Variants in CACNA2D3 observed in about 807,000 individuals in gnomAD.
CACNA2D3 encodes the protein calcium voltage-gated channel auxiliary subunit alpha2delta 3, also known as voltage-dependent calcium channel subunit alpha-2/delta-3.
In CACNA2D3, 60 loss-of-function variants were observed where a neutral mutation model predicts 160.6. That is an observed-to-expected ratio of 0.37 (90% confidence interval 0.30 to 0.46). The LOEUF (loss-of-function observed/expected upper bound fraction) is 0.46. Among genes scored for constraint, CACNA2D3 ranks in the 20% least tolerant of loss-of-function variants. The probability of loss-of-function intolerance (pLI) is 1.00; values close to 1 mark genes in which losing one functional copy is unlikely to be tolerated. For synonymous variants in CACNA2D3, 558 were observed against 492.9 expected (o/e 1.13, Z -1.75); for missense variants, 1,205 against 1,365.0 (o/e 0.88, Z 1.85).
chr3:54,433,283 G>T lies in CACNA2D3; in HGVS notation c.381+46509G>T, dbSNP rs79013312. Among the ~76,000 whole-genome samples, 845 of 152,120 alleles carry T rather than the reference G, an allele frequency of 5.6e-3. 6 individuals carry two copies. Among genetic ancestry groups the T allele is most frequent in the African/African-American group, 0.019 (783 of 41,500 alleles). ...CTCTATCAGGATGGAGACAGCATCT[G>T]TTGCCTTCTTTGTTGATGTAACTAC... On this transcript the variant is annotated intron_variant, in intron 4 of 37. Coordinates refer to ENST00000474759, the MANE Select transcript of CACNA2D3 (RefSeq NM_018398.3).
intron 10 of CACNA2D3, among the ~76,000 whole-genome samples, chr3:54,640,024 TGTCATCAGTTAAGGC>T (rs1699480435): frequency 1.3e-5 from 2 of 152,120 alleles, no homozygotes. Context: ...CACAAGGTAA[TGTCATCAGTTAAGGC>T]AAGGACTGGC....
intron 34 of CACNA2D3, among the ~76,000 whole-genome samples, chr3:55,013,503 A>C (rs1030966040): frequency 6.6e-6 from 1 of 152,236 alleles, no homozygotes; most frequent in Non-Finnish European, 1.5e-5. Flanking sequence ...TCCCAGACCC[A>C]GCGTAAGGAG....
chr3:54,431,611 A>T (rs188399858), intron 4 of CACNA2D3, among the ~76,000 whole-genome samples: 185 of 152,204 alleles, frequency 1.2e-3, no homozygotes, highest in African/African-American at 4.3e-3. Flanking sequence ...TTATGAAAAT[A>T]TGGCTTTATT....
chr3:54,899,581 C>T (rs1168657255), intron 26 of CACNA2D3, among the ~76,000 whole-genome samples: 1 of 152,138 alleles, frequency 6.6e-6, no homozygotes, highest in Non-Finnish European at 1.5e-5. Flanking sequence ...CTCAACTCGC[C>T]AATTCCTTCA....
At chr3:54,550,994 C>T (rs552195139) in intron 5 of CACNA2D3, among the ~76,000 whole-genome samples, 1 of 152,350 alleles carries the variant, frequency 6.6e-6, no homozygotes, top group South Asian at 2.1e-4. Flanking sequence ...CTCCCCTCCA[C>T]CCTTCCAGCG....
intron 9 of CACNA2D3, chr3:54,626,272 G>C: frequency 7.2e-7 from 1 of 1,381,652 alleles, no homozygotes; most frequent in Non-Finnish European, 1.0e-6. Context: ...CCGTGGCGTG[G>C]ACCTGGACCA....
intron 2 of CACNA2D3, among the ~76,000 whole-genome samples, chr3:54,255,616 A>G (rs758865801): frequency 6.6e-6 from 1 of 152,102 alleles, no homozygotes; most frequent in Non-Finnish European, 1.5e-5. Flanking sequence ...TTTGCTTGCA[A>G]GTCCAGCATG....
At chr3:54,344,986 T>G (rs528292878) in intron 3 of CACNA2D3, among the ~76,000 whole-genome samples, 235 of 152,320 alleles carry the variant, frequency 1.5e-3, no homozygotes, top group African/African-American at 5.4e-3. Flanking sequence ...TCTCCCACCA[T>G]GAGCGCCATG....
In CACNA2D3 at chr3:54,759,886, G is replaced by A. The variant is rs74760331; in HGVS notation, c.1247-4332G>A. ...TTTGGAATCAAATGAACCTGGATTC[G>A]AATTCATCCAGGACAAATTACTGAC... On this transcript the variant is annotated intron_variant, in intron 12 of 37. Coordinates refer to ENST00000474759, the MANE Select transcript of CACNA2D3 (RefSeq NM_018398.3). Among the ~76,000 whole-genome samples, 375 of 152,228 alleles carry A rather than the reference G, an allele frequency of 2.5e-3. 10 individuals carry two copies. In the East Asian group the frequency reaches 0.062, roughly 25 times the overall value.
intron 3 of CACNA2D3, among the ~76,000 whole-genome samples, chr3:54,349,175 C>G (rs898071065): frequency 2.0e-5 from 3 of 152,118 alleles, no homozygotes; most frequent in African/African-American, 7.2e-5. Context: ...CTGAGCTGTT[C>G]TTGCAATTGC....
intron 4 of CACNA2D3, among the ~76,000 whole-genome samples, chr3:54,402,367 A>T (rs1338212565): frequency 6.6e-6 from 1 of 152,200 alleles, no homozygotes; most frequent in East Asian, 1.9e-4. Context: ...ACAAGGTCCA[A>T]CTATATGCTA....
chr3:54,776,811 A>T (rs1702434026), intron 13 of CACNA2D3, among the ~76,000 whole-genome samples: 1 of 152,052 alleles, frequency 6.6e-6, no homozygotes, highest in African/African-American at 2.4e-5. Flanking sequence ...ATCCTGGAGG[A>T]TGCTGCCCTT....
chr3:54,503,614 T>C lies in CACNA2D3; in HGVS notation c.504T>C (p.Ser168=). The stretch of plus-strand genomic sequence containing the variant: ...TTAATAATTTGCCTGTGAACATCAG[T>C]CTAAGTGACGTCCAAGTACCAACGA... ...DHFNNLPVNI[S]LSDVQVPTNM... is the part of the protein sequence containing the mutation. The change falls in exon 5 of 38, where the codon AGT becomes AGC. Residue 168 remains serine (S), a synonymous_variant. Coordinates refer to ENST00000474759, the MANE Select transcript of CACNA2D3 (RefSeq NM_018398.3). The C allele has an allele frequency of 6.2e-7, 1 of 1,613,880 alleles. No homozygotes were observed. The highest frequency in any genetic ancestry group is 8.5e-7 in the Non-Finnish European group (1 of 1,179,800).
At chr3:55,025,926 G>A (rs1029930850) in intron 35 of CACNA2D3, among the ~76,000 whole-genome samples, 1 of 152,004 alleles carries the variant, frequency 6.6e-6, no homozygotes, top group South Asian at 2.1e-4. Context: ...ACAGAAATGG[G>A]GACTTGGGTT....
At chr3:54,335,128 A>G (rs1315085001) in intron 3 of CACNA2D3, among the ~76,000 whole-genome samples, 1 of 152,226 alleles carries the variant, frequency 6.6e-6, no homozygotes, top group Non-Finnish European at 1.5e-5. Context: ...GAAAGTATGG[A>G]TATGATAGAA....
At chr3:54,217,544 G>A (rs1482555296) in intron 2 of CACNA2D3, among the ~76,000 whole-genome samples, 3 of 152,204 alleles carry the variant, frequency 2.0e-5, no homozygotes, top group Non-Finnish European at 4.4e-5. Context: ...GCTCTCACAA[G>A]TATCCTTTTA....
chr3:54,969,777 C>T (rs1575414331), intron 28 of CACNA2D3, 23 bp from the exon 29 acceptor site: 2 of 1,610,992 alleles, frequency 1.2e-6, no homozygotes, highest in South Asian at 1.1e-5. Flanking sequence ...TAACACATTT[C>T]CCTCCACTTT....
intron 35 of CACNA2D3, among the ~76,000 whole-genome samples, chr3:55,062,212 TG>T (rs1217627645): frequency 6.6e-6 from 1 of 152,072 alleles, no homozygotes; most frequent in East Asian, 1.9e-4. Flanking sequence ...CTCAAAGTCC[TG>T]GGCTCAAGTG....
intron 3 of CACNA2D3, among the ~76,000 whole-genome samples, chr3:54,326,561 CT>C (rs1217420451): frequency 1.3e-5 from 2 of 152,202 alleles, no homozygotes; most frequent in African/African-American, 4.8e-5. Context: ...TTGAGGCATA[CT>C]TTCAAAAGGA....
Sources: allele counts gnomAD v4.1 joint callset (sites outside exome capture counted in the v4.1 genomes callset), GRCh38; gene constraint gnomAD v4.1.1; transcripts MANE v1.5; gene names NCBI Gene and HGNC (gene_info 2026-07-23, HGNC 2026-07-21).